The following FER variants were observed in gnomAD, a reference collection of about 807,000 sequenced individuals.
FER encodes FER tyrosine kinase.
FER carries 63 observed loss-of-function variants against 111.0 expected under a neutral mutation model. That is an observed-to-expected ratio of 0.57 (90% confidence interval 0.46 to 0.70). The LOEUF is 0.70. FER is among the 30% of genes least tolerant of loss of function. The probability of loss-of-function intolerance (pLI) is 0.00; values close to 1 mark genes in which losing one functional copy is unlikely to be tolerated. For missense variants in FER, 914 were observed against 954.0 expected, an observed-to-expected ratio of 0.96 and a Z score of 0.55; for synonymous variants, 327 against 313.9, an observed-to-expected ratio of 1.04 and a Z score of -0.44.
At chr5:109,019,201 C>T (rs529444589) in intron 13 of FER, among the ~76,000 whole-genome samples, 2 of 151,672 alleles carry the variant, frequency 1.3e-5, no homozygotes, top group East Asian at 3.9e-4. Context: ...TTTTGGAACT[C>T]TTCAGTTTTA....
intron 6 of FER, 46 bp downstream of exon 6, chr5:108,867,996 T>C: frequency 6.5e-7 from 1 of 1,545,628 alleles, no homozygotes; most frequent in Non-Finnish European, 8.8e-7. Context: ...CACAAAATGA[T>C]TTCAACATAT....
intron 17 of FER, among the ~76,000 whole-genome samples, chr5:109,156,080 A>T (rs1364080606): frequency 6.6e-6 from 1 of 152,082 alleles, no homozygotes; most frequent in Non-Finnish European, 1.5e-5. Context: ...TAGACTTTTT[A>T]AAATTATAAT....
chr5:109,189,660 T>G lies in FER; in HGVS notation c.*2085T>G, dbSNP rs1351395586. 2 of 152,300 alleles carry G rather than the reference T, an allele frequency of 1.3e-5. No homozygotes were observed. The highest frequency in any genetic ancestry group is 4.8e-5 in the African/African-American group (2 of 41,570). 9.4% of individuals were successfully genotyped at this position (152,300 alleles called of 1,614,324 possible). A position where few individuals can be genotyped will look rare whatever the true frequency, so the allele number is the denominator to read the frequency against. On this transcript the variant is annotated 3_prime_UTR_variant, in exon 20 of 20. Transcript: ENST00000281092. ...AAAATGGGATATTCCTACCCTTTTT[T>G]TTAGTATTTCTAAGTGAATCTCTGT... is the stretch of plus-strand genomic sequence containing the variant.
intron 3 of FER, chr5:108,820,571 T>A (rs753413360): frequency 1.6e-4 from 154 of 981,106 alleles, no homozygotes; most frequent in Non-Finnish European, 1.7e-4. Context: ...TGTGTTTAGA[T>A]ACTTAGATTT....
chr5:109,159,136 C>T (rs950010855), intron 17 of FER, among the ~76,000 whole-genome samples: 1 of 152,126 alleles, frequency 6.6e-6, no homozygotes. Flanking sequence ...AAAAGCTACT[C>T]TTCTCCCTAC....
At chr5:108,989,790 A>T (rs370305719) in intron 13 of FER, among the ~76,000 whole-genome samples, 22 of 152,100 alleles carry the variant, frequency 1.4e-4, no homozygotes, top group African/African-American at 5.1e-4. Flanking sequence ...CCTTTATAAA[A>T]ATCGTATGTG....
chr5:109,160,859 T>C (rs922618108), intron 17 of FER, among the ~76,000 whole-genome samples: 5 of 152,124 alleles, frequency 3.3e-5, no homozygotes, highest in African/African-American at 9.7e-5. Context: ...AAGATGAAAA[T>C]AGACCTCTAG....
chr5:109,148,358 A>C (rs1754462891), intron 17 of FER, among the ~76,000 whole-genome samples: 3 of 152,122 alleles, frequency 2.0e-5, no homozygotes. Flanking sequence ...TTAATCTGCA[A>C]GTTAGAAAAA....
intron 17 of FER, among the ~76,000 whole-genome samples, chr5:109,149,729 G>C (rs1212142185): frequency 2.0e-5 from 3 of 152,066 alleles, no homozygotes; most frequent in Admixed American, 6.6e-5. Flanking sequence ...AAGATAAATA[G>C]GAAAACAACA....
chr5:108,993,596 GGC>G (rs1452580481), intron 13 of FER, among the ~76,000 whole-genome samples: 96 of 115,372 alleles, frequency 8.3e-4, no homozygotes, highest in African/African-American at 2.8e-3. Context: ...AGAGGGAGAG[GGC>G]GAGGGCGAGG....
At chr5:109,174,692 T>C (rs1204269689) in intron 17 of FER, among the ~76,000 whole-genome samples, 1 of 152,202 alleles carries the variant, frequency 6.6e-6, no homozygotes, top group Non-Finnish European at 1.5e-5. Context: ...TGTTGTTTTT[T>C]AGGGGGCAGG....
At chr5:109,153,442 T>C (rs1324823632) in intron 17 of FER, among the ~76,000 whole-genome samples, 1 of 151,868 alleles carries the variant, frequency 6.6e-6, no homozygotes, top group Admixed American at 6.6e-5. Context: ...CAAAATTCAT[T>C]CTAAAACTAG....
At chr5:109,022,414 A>G (rs72790544) in intron 13 of FER, among the ~76,000 whole-genome samples, 28,216 of 152,078 alleles carry the variant, frequency 0.19, 2,782 homozygotes, top group Non-Finnish European at 0.22. Flanking sequence ...GGCTTGCAGT[A>G]CAGGACCTGG....
In FER at chr5:109,017,666, G is replaced by A. The variant is rs532793580; in HGVS notation, c.1657-19756G>A. 3.3e-5 allele frequency among the ~76,000 whole-genome samples: 5 copies of A among 151,846 alleles called. No individual in the cohort carries two copies. The South Asian group carries it at 1.0e-3, about 32-fold the overall frequency. On this transcript the variant is annotated intron_variant, in intron 13 of 19. Transcript: ENST00000281092. Reference sequence around the variant, plus strand: ...TGCTTTTATTTTGTTGACTAGTTTTGGAGGATATATATCATCATTGCTCTT... The same window carrying A: ...TGCTTTTATTTTGTTGACTAGTTTTAGAGGATATATATCATCATTGCTCTT...
intron 17 of FER, among the ~76,000 whole-genome samples, chr5:109,127,541 T>A (rs1352963105): frequency 1.3e-5 from 2 of 151,966 alleles, no homozygotes; most frequent in African/African-American, 4.8e-5. Context: ...GTAGCTGGGA[T>A]TACAGGCACG....
intron 17 of FER, among the ~76,000 whole-genome samples, chr5:109,130,149 A>T (rs906127562): frequency 1.3e-5 from 2 of 151,976 alleles, no homozygotes; most frequent in Non-Finnish European, 1.5e-5. Context: ...TCCCATTTTT[A>T]AAAAATGATT....
intron 10 of FER, among the ~76,000 whole-genome samples, chr5:108,927,370 T>C (rs903491600): frequency 3.3e-5 from 5 of 150,718 alleles, no homozygotes; most frequent in Non-Finnish European, 5.9e-5. Context: ...ACGCCATTGT[T>C]CTGCCTCAGC....
chr5:108,889,678 T>G (rs890665941), intron 9 of FER, among the ~76,000 whole-genome samples: 2 of 151,930 alleles, frequency 1.3e-5, no homozygotes, highest in African/African-American at 4.8e-5. Flanking sequence ...TAGGATAGTT[T>G]ATAACACAAA....
At chr5:109,156,832 CA>C (rs1490410191) in intron 17 of FER, among the ~76,000 whole-genome samples, 7 of 151,940 alleles carry the variant, frequency 4.6e-5, no homozygotes, top group Non-Finnish European at 7.4e-5. Flanking sequence ...AGAGCAGTTT[CA>C]ATAAAGTAAT....
Sources: gnomAD v4.1 joint callset for allele counts (sites outside exome capture counted in the v4.1 genomes callset) on GRCh38, gnomAD v4.1.1 for gene constraint, MANE v1.5 for transcripts, NCBI Gene and HGNC (gene_info 2026-07-23, HGNC 2026-07-21) for gene names.